Variants in BORA observed in about 807,000 individuals in gnomAD.
BORA encodes the protein protein aurora borealis.
Under a neutral mutation model 55.8 loss-of-function variants are expected in BORA, and 26 were observed. The ratio of observed to expected loss-of-function variants is 0.47; its 90% CI spans 0.34 to 0.65. The LOEUF is 0.65. BORA is among the 30% of genes least tolerant of loss of function. The probability of loss-of-function intolerance (pLI) is 0.01; values close to 1 mark genes in which losing one functional copy is unlikely to be tolerated. For missense variants in BORA, 568 were observed against 671.5 expected (o/e 0.85, Z 1.70); for synonymous variants, 201 against 216.9 (o/e 0.93, Z 0.64).
chr13:72,736,870 C>CTT (rs55986067), intron 4 of BORA, among the ~76,000 whole-genome samples: 81 of 146,884 alleles, frequency 5.5e-4, no homozygotes, highest in Middle Eastern at 7.0e-3. Context: ...TTAAAAATGA[C>CTT]TTTTTTTTTT....
chr13:72,748,728 TTCTCTCTC>T lies in BORA; in HGVS notation c.1482+1641_1482+1648del, dbSNP rs58975643. ...CTTTTACTCTCTGCCTTTTTTCACT[TTCTCTCTC>T]TCTCTCTCTCTCTCTCTCTCTCTTT... On this transcript the variant is annotated intron_variant, in intron 10 of 11. Coordinates refer to ENST00000390667, the MANE Select transcript of BORA (RefSeq NM_024808.5). Among the ~76,000 whole-genome samples, 871 of 137,790 alleles carry T rather than the reference TTCTCTCTC, an allele frequency of 6.3e-3. 8 individuals carry two copies. Among genetic ancestry groups the T allele is most frequent in the African/African-American group, 0.019 (791 of 40,752 alleles). 90.4% of individuals were successfully genotyped at this position (137,790 alleles called of 152,430 possible). A position where few individuals can be genotyped will look rare whatever the true frequency, so the allele number is the denominator to read the frequency against.
chr13:72,728,063 C>G, intron 1 of BORA, 56 bp downstream of exon 1: 2 of 1,549,074 alleles, frequency 1.3e-6, no homozygotes, highest in Non-Finnish European at 1.7e-6. Flanking sequence ...GGAGAGGTTT[C>G]TTTTCCCAGC....
intron 8 of BORA, among the ~76,000 whole-genome samples, chr13:72,745,730 C>T (rs997184202): frequency 2.6e-5 from 4 of 152,134 alleles, no homozygotes; most frequent in Admixed American, 1.3e-4. Context: ...TGTTCAAATA[C>T]AATGTGTTTA....
chr13:72,734,988 C>A lies in BORA; in HGVS notation c.289C>A (p.Gln97Lys). The A allele has an allele frequency of 6.3e-7, 1 of 1,588,942 alleles. No homozygotes were observed. Among genetic ancestry groups the A allele is most frequent in the Admixed American group, 1.7e-5 (1 of 59,416 alleles). Residue 97 changes from glutamine to lysine, a missense_variant, in exon 4 of 12, where the codon CAA (glutamine) becomes AAA (lysine). Transcript: ENST00000390667. Reference sequence around the variant, plus strand: ...AGATAAAGATGTGGAAGACAAAAGACAAAAAGCCATTGAAGAGGTAACTTA... The same window carrying A: ...AGATAAAGATGTGGAAGACAAAAGAAAAAAAGCCATTGAAGAGGTAACTTA... Reference protein sequence around the residue: ...RIDKDVEDKRQKAIEEFFTKD... With the variant: ...RIDKDVEDKRKKAIEEFFTKD...
At chr13:72,753,974 A>AT in intron 11 of BORA, 153 bp downstream of exon 11, 1 of 797,854 alleles carries the variant, frequency 1.3e-6, no homozygotes, top group Non-Finnish European at 1.9e-6. Context: ...ACCTTTAAAT[A>AT]TTTTGGTTAC....
At chr13:72,742,988 A>C (rs1472446187) in intron 5 of BORA, among the ~76,000 whole-genome samples, 3 of 152,124 alleles carry the variant, frequency 2.0e-5, no homozygotes, top group African/African-American at 7.2e-5. Flanking sequence ...TAGAGAATAG[A>C]GTGGTGGTTA....
At chr13:72,742,846 A>T (rs1308953227) in intron 5 of BORA, among the ~76,000 whole-genome samples, 1 of 151,750 alleles carries the variant, frequency 6.6e-6, no homozygotes. Context: ...AAAAAGAGGA[A>T]ATTTTGTCAT....
At chr13:72,740,018 TG>T (rs34267942) in intron 5 of BORA, among the ~76,000 whole-genome samples, 115,176 of 151,842 alleles carry the variant, frequency 0.76, 44,982 homozygotes, top group East Asian at 0.98. Flanking sequence ...GTATGAGGGT[TG>T]GGGGGTCAGT....
intron 10 of BORA, among the ~76,000 whole-genome samples, chr13:72,749,488 A>C (rs1437684476): frequency 7.0e-6 from 1 of 142,012 alleles, no homozygotes; most frequent in Non-Finnish European, 1.5e-5. Context: ...GCAACTTTTG[A>C]TTCTCCAATT....
chr13:72,750,369 C>T lies in BORA; in HGVS notation c.1482+3258C>T, dbSNP rs954576907. On this transcript the variant is annotated intron_variant, in intron 10 of 11. Coordinates refer to ENST00000390667, the MANE Select transcript of BORA (RefSeq NM_024808.5). ...GGTTAAAGAAGAAGTAATGAAATAA[C>T]GTGTGTAGATAACTCTGGAGTTTAG... Among the ~76,000 whole-genome samples, 3 of 152,112 alleles carry T rather than the reference C, an allele frequency of 2.0e-5. No individual in the cohort carries two copies. In the South Asian group the frequency reaches 6.2e-4, roughly 31 times the overall value.
chr13:72,752,300 CTTGATGCCTGTG>C (rs1335794482), intron 10 of BORA: 1 of 152,142 alleles, frequency 6.6e-6, no homozygotes, highest in Non-Finnish European at 1.5e-5. Context: ...TGATGCCTGC[CTTGATGCCTGTG>C]GGGGATAACA....
At chr13:72,733,436 G>C (rs2032859109) in intron 3 of BORA, among the ~76,000 whole-genome samples, 1 of 152,176 alleles carries the variant, frequency 6.6e-6, no homozygotes, top group South Asian at 2.1e-4. Flanking sequence ...TGGTCAGGAT[G>C]CTCTCCCCTG....
chr13:72,742,767 TACACACACACACAC>T (rs67866253), intron 5 of BORA, among the ~76,000 whole-genome samples: 18,255 of 141,628 alleles, frequency 0.13, 1,523 homozygotes, highest in Non-Finnish European at 0.19. Flanking sequence ...TATATATATA[TACACACACACACAC>T]ACACACACAC....
intron 10 of BORA, among the ~76,000 whole-genome samples, chr13:72,748,068 C>T (rs940519514): frequency 7.2e-5 from 11 of 152,160 alleles, no homozygotes; most frequent in African/African-American, 2.4e-4. Flanking sequence ...GAAGTTCTGA[C>T]TTTAGTCAGA....
At chr13:72,747,847 T>C (rs1188626579) in intron 10 of BORA, among the ~76,000 whole-genome samples, 1 of 152,166 alleles carries the variant, frequency 6.6e-6, no homozygotes, top group African/African-American at 2.4e-5. Flanking sequence ...AGTTCTTTTA[T>C]GTATGCATTT....
At position 72,750,581 on chromosome 13, in the gene BORA, T is replaced by C. The variant is rs574800929; in HGVS notation, c.1483-3109T>C. On this transcript the variant is annotated intron_variant, in intron 10 of 11. Coordinates refer to ENST00000390667, the MANE Select transcript of BORA (RefSeq NM_024808.5). The stretch of plus-strand genomic sequence containing the variant: ...ATAAGTAACTCCCACATGCTTAGTG[T>C]TCCAGTAATGGAACACAGAAGAAAC... Among the ~76,000 whole-genome samples the C allele has an allele frequency of 8.0e-4, 122 of 152,250 alleles. 1 individual carries two copies. The highest frequency in any genetic ancestry group is 2.9e-3 in the African/African-American group (122 of 41,554).
Position 72,755,856 on chromosome 13 carries a change from G to A in BORA, c.*640G>A, listed in dbSNP as rs2033450495. On this transcript the variant is annotated 3_prime_UTR_variant, in exon 12 of 12. Coordinates refer to ENST00000390667, the MANE Select transcript of BORA (RefSeq NM_024808.5). ...GTGTATTGTTATCTATGGGGCAAAT[G>A]TGTGGTGCCCAGAATAAAATATACC... 5.0e-6 allele frequency: 2 copies of A among 398,458 alleles called. No individual in the cohort carries two copies. Among genetic ancestry groups the A allele is most frequent in the South Asian group, 2.5e-4 (2 of 7,868 alleles). The allele number at this position is 398,458 out of a possible 1,614,324, so 24.7% of individuals were successfully genotyped here. A position where few individuals can be genotyped will look rare whatever the true frequency, so the allele number is the denominator to read the frequency against.
At chr13:72,754,503 A>G (rs1348697330) in intron 11 of BORA, 1 of 151,884 alleles carries the variant, frequency 6.6e-6, no homozygotes, top group African/African-American at 2.4e-5. Flanking sequence ...ATAAAATACT[A>G]TAAATATCAG....
chr13:72,738,094 T>C (rs1305082797), intron 5 of BORA, 51 bp downstream of exon 5: 1 of 1,320,898 alleles, frequency 7.6e-7, no homozygotes, highest in Admixed American at 1.8e-5. Flanking sequence ...TCGGTGAATA[T>C]AAAGCAACAT....
Sources: allele counts gnomAD v4.1 joint callset (sites outside exome capture counted in the v4.1 genomes callset), GRCh38; gene constraint gnomAD v4.1.1; transcripts MANE v1.5; gene names NCBI Gene and HGNC (gene_info 2026-07-23, HGNC 2026-07-21).